The following PTH1R variants were observed in gnomAD, a reference collection of about 807,000 sequenced individuals.
PTH1R encodes the protein parathyroid hormone 1 receptor, also known as parathyroid hormone/parathyroid hormone-related peptide receptor.
PTH1R carries 32 observed loss-of-function variants against 70.7 expected under a neutral mutation model. The ratio of observed to expected loss-of-function variants is 0.45; its 90% CI spans 0.34 to 0.61. The LOEUF is 0.61. Ranked by LOEUF, PTH1R falls within the 20% of genes least tolerant of loss-of-function variation. The pLI, the probability that PTH1R is intolerant of heterozygous loss-of-function variation, is 0.01. For missense variants in PTH1R, 626 were observed against 792.5 expected (o/e 0.79, Z 2.52); for synonymous variants, 329 against 324.8 (o/e 1.01, Z -0.14).
intron 3 of PTH1R, among the ~76,000 whole-genome samples, chr3:46,889,991 C>T (rs896076301): frequency 1.3e-5 from 2 of 152,136 alleles, no homozygotes; most frequent in Non-Finnish European, 2.9e-5. Flanking sequence ...AGAAGAGATA[C>T]AGCTGTCAGC....
chr3:46,898,843 G>A lies in PTH1R; in HGVS notation c.820G>A (p.Ala274Thr), dbSNP rs1262684293. 5 of 1,548,742 alleles carry A rather than the reference G, an allele frequency of 3.2e-6. No individual in the cohort carries two copies. Among genetic ancestry groups the A allele is most frequent in the Non-Finnish European group, 4.3e-6 (5 of 1,153,514 alleles). ...CCAGGCGCCCCCGCCGCCTGCCACCGCCGCTGCCGGCTACGTGAGTACCCC... is the reference window on the plus strand; with the variant it reads ...CCAGGCGCCCCCGCCGCCTGCCACCACCGCTGCCGGCTACGTGAGTACCCC... ...IAQAPPPPAT[A>T]AAGYAGCRVA... The change falls in exon 9 of 16, where the codon GCC (alanine) becomes ACC (threonine). Residue 274 changes from alanine (A) to threonine (T), a missense_variant. Coordinates refer to ENST00000449590, the MANE Select transcript of PTH1R (RefSeq NM_000316.3).
intron 10 of PTH1R, among the ~76,000 whole-genome samples, chr3:46,900,655 G>A (rs898921954): frequency 3.3e-5 from 5 of 152,096 alleles, no homozygotes; most frequent in Non-Finnish European, 5.9e-5. Flanking sequence ...AAAAAAATGC[G>A]GAAAATAGGC....
chr3:46,902,990 TGG>T lies in PTH1R; in HGVS notation c.1395+201_1395+202del. ...TAGGATGTGGGGACTCTTCAGTCAC[TGG>T]CATAGCCAAGTGTCTTCCCAGCCCC... is the stretch of plus-strand genomic sequence containing the variant. On this transcript the variant is annotated intron_variant, in intron 15 of 15. Coordinates refer to ENST00000449590, the MANE Select transcript of PTH1R (RefSeq NM_000316.3). This position sits in a 1 kb window ranked among gnomAD's most constrained non-coding sequence, Gnocchi z 5.4. 1.0e-6 allele frequency: 1 copy of T among 969,428 alleles called. No individual in the cohort carries two copies. The allele number at this position is 969,428 out of a possible 1,614,324, so 60.1% of individuals were successfully genotyped here.
intron 3 of PTH1R, among the ~76,000 whole-genome samples, chr3:46,888,586 T>A (rs6762963): frequency 6.6e-6 from 1 of 152,128 alleles, no homozygotes; most frequent in African/African-American, 2.4e-5. Flanking sequence ...ACGGTGTGAT[T>A]GGGAGAAGGG....
intron 3 of PTH1R, among the ~76,000 whole-genome samples, chr3:46,889,065 A>G (rs890883500): frequency 6.6e-6 from 1 of 152,188 alleles, no homozygotes; most frequent in Non-Finnish European, 1.5e-5. Flanking sequence ...AGTCCCAGCC[A>G]GCTGGCACGG....
Position 46,903,469 on chromosome 3 carries a change from C to T in PTH1R, c.1595C>T (p.Pro532Leu). 1 of 1,613,704 alleles carries T rather than the reference C, an allele frequency of 6.2e-7. No homozygotes were observed. The highest frequency in any genetic ancestry group is 8.5e-7 in the Non-Finnish European group (1 of 1,179,992). The change falls in exon 16 of 16, where the codon CCT becomes CTT. Residue 532 changes from proline (P) to leucine (L), a missense_variant. Coordinates refer to ENST00000449590, the MANE Select transcript of PTH1R (RefSeq NM_000316.3). This position sits in a 1 kb window ranked among gnomAD's most constrained non-coding sequence, Gnocchi z 4.4. ...LLPTATTNGH[P>L]QLPGHAKPGT... ...CCCACTGCCACCACCAACGGCCACCCTCAGCTGCCTGGCCATGCCAAGCCA... is the reference window on the plus strand; with the variant it reads ...CCCACTGCCACCACCAACGGCCACCTTCAGCTGCCTGGCCATGCCAAGCCA...
Position 46,892,882 on chromosome 3 carries a change from GAATT to G in PTH1R, c.76-1022_76-1019del. 1 of 868,356 alleles carries G rather than the reference GAATT, an allele frequency of 1.2e-6. No individual in the cohort carries two copies. Among genetic ancestry groups the G allele is most frequent in the Non-Finnish European group, 1.4e-6 (1 of 722,484 alleles). 53.8% of individuals were successfully genotyped at this position (868,356 alleles called of 1,614,324 possible). A position where few individuals can be genotyped will look rare whatever the true frequency, so the allele number is the denominator to read the frequency against. ...CAGGGGTCTGAGGAAACACGACCCT[GAATT>G]AAGAGGGATGGGGCTGAGGGCTTCA... On this transcript the variant is annotated intron_variant, in intron 3 of 15. Coordinates refer to ENST00000449590, the MANE Select transcript of PTH1R (RefSeq NM_000316.3). The surrounding 1 kb of genome is among the most constrained non-coding windows in gnomAD (Gnocchi z 5.2).
At chr3:46,889,585 G>A (rs578141939) in intron 3 of PTH1R, among the ~76,000 whole-genome samples, 1 of 152,292 alleles carries the variant, frequency 6.6e-6, no homozygotes, top group East Asian at 1.9e-4. Context: ...GAAGGTGCAG[G>A]AGGCATGGGT....
chr3:46,889,892 G>T (rs534053374), intron 3 of PTH1R, among the ~76,000 whole-genome samples: 2 of 152,144 alleles, frequency 1.3e-5, no homozygotes, highest in African/African-American at 4.8e-5. Flanking sequence ...GCACCCTGGC[G>T]CTGAGCCAAG....
In PTH1R at chr3:46,898,101, A is replaced by G. The variant is rs1204634243; in HGVS notation, c.452A>G (p.Asn151Ser). 8.1e-6 allele frequency: 13 copies of G among 1,614,112 alleles called. No individual in the cohort carries two copies. The highest frequency in any genetic ancestry group is 7.7e-5 in the South Asian group (7 of 91,090). Residue 151 changes from asparagine to serine, a missense_variant, in exon 7 of 16, where the codon AAT (asparagine) becomes AGT (serine). Asn to Ser is a conservative substitution (Grantham distance 46). Around this residue, in one of 3 missense-constraint regions of PTH1R, gnomAD observed 495 missense variants for 638.7 expected, o/e 0.77. Coordinates refer to ENST00000449590, the MANE Select transcript of PTH1R (RefSeq NM_000316.3). ...KGHAYRRCDR[N>S]GSWELVPGHN... is the part of the protein sequence containing the mutation. ...CATGCCTACCGACGCTGTGACCGCA[A>G]TGGCAGCTGGGAGCTGGTGCCTGGG... is the stretch of plus-strand genomic sequence containing the variant.
In PTH1R at chr3:46,901,702, C is replaced by T. The variant is rs2032131836; in HGVS notation, c.1117-64C>T. On this transcript the variant is annotated intron_variant, in intron 12 of 15. Transcript: ENST00000449590. The surrounding 1 kb of genome is among the most constrained non-coding windows in gnomAD (Gnocchi z 7.3). Reference sequence around the variant, plus strand: ...GACAGAGCAGAGCCTATGGCCGTGGCTGCCAGGCCTTGCCCCGCCCCACTA... The same window carrying T: ...GACAGAGCAGAGCCTATGGCCGTGGTTGCCAGGCCTTGCCCCGCCCCACTA... The T allele has an allele frequency of 6.5e-7, 1 of 1,530,970 alleles. No homozygotes were observed. The highest frequency in any genetic ancestry group is 1.1e-5 in the South Asian group (1 of 89,346). The allele number at this position is 1,530,970 out of a possible 1,614,324, so 94.8% of individuals were successfully genotyped here. A position where few individuals can be genotyped will look rare whatever the true frequency, so the allele number is the denominator to read the frequency against.
rs2030665685 is a variant in PTH1R, at chr3:46,882,467, A to T, written c.-48-1045A>T. On this transcript the variant is annotated intron_variant, in intron 2 of 15. Transcript: ENST00000449590. This position sits in a 1 kb window ranked among gnomAD's most constrained non-coding sequence, Gnocchi z 4.3. ...GGGGCCGCGGCGGCGCGCTCGGAGT[A>T]AGTCGGGGCTGGGGACCCGCGCCGA... 6.6e-6 allele frequency: 1 copy of T among 150,924 alleles called. No homozygotes were observed. The highest frequency in any genetic ancestry group is 6.6e-5 in the Admixed American group (1 of 15,196). The allele number at this position is 150,924 out of a possible 1,614,324, so 9.3% of individuals were successfully genotyped here.
rs2030868171 is a variant in PTH1R, at chr3:46,884,222, C to T, written c.75+588C>T. Among the ~76,000 whole-genome samples, 1 of 152,164 alleles carries T rather than the reference C, an allele frequency of 6.6e-6. No homozygotes were observed. Among genetic ancestry groups the T allele is most frequent in the Non-Finnish European group, 1.5e-5 (1 of 68,018 alleles). ...GGAGTTCCCTGAAGGAGACTGACCTCACAGTGCACCCCTGTAGGAGAAGCA... is the reference window on the plus strand; with the variant it reads ...GGAGTTCCCTGAAGGAGACTGACCTTACAGTGCACCCCTGTAGGAGAAGCA... On this transcript the variant is annotated intron_variant, in intron 3 of 15. Transcript: ENST00000449590. This position sits in a 1 kb window ranked among gnomAD's most constrained non-coding sequence, Gnocchi z 4.8.
At position 46,893,109 on chromosome 3, in the gene PTH1R, C is replaced by T. The variant is rs2031531098; in HGVS notation, c.76-798C>T. ...TTCTTATAATGAGGCCAGTGAGTCC[C>T]GGTGGGTGGCAGCCAGGGCCCAGGG... On this transcript the variant is annotated intron_variant, in intron 3 of 15. Transcript: ENST00000449590. This position sits in a 1 kb window ranked among gnomAD's most constrained non-coding sequence, Gnocchi z 5.2. Among the ~76,000 whole-genome samples the T allele has an allele frequency of 6.6e-6, 1 of 152,152 alleles. No homozygotes were observed. The highest frequency in any genetic ancestry group is 6.5e-5 in the Admixed American group (1 of 15,276).
Position 46,892,664 on chromosome 3 carries a change from G to C in PTH1R, c.76-1243G>C. On this transcript the variant is annotated intron_variant, in intron 3 of 15. Coordinates refer to ENST00000449590, the MANE Select transcript of PTH1R (RefSeq NM_000316.3). The surrounding 1 kb of genome is among the most constrained non-coding windows in gnomAD (Gnocchi z 5.2). ...CTGCCCGCCCCTCTCGCCGGTGCCC[G>C]CCCCATGCCCGACCCGCCTTCTTCC... The C allele has an allele frequency of 4.4e-5, 31 of 704,654 alleles. No homozygotes were observed. The highest frequency in any genetic ancestry group is 6.4e-5 in the South Asian group (1 of 15,724). 43.7% of individuals were successfully genotyped at this position (704,654 alleles called of 1,614,324 possible).
At position 46,898,089 on chromosome 3, in the gene PTH1R, G is replaced by T. The variant is rs576428067; in HGVS notation, c.440G>T (p.Arg147Leu). The change falls in exon 7 of 16, where the codon CGC becomes CTC. Residue 147 changes from arginine to leucine, a missense_variant. This residue lies in a region of PTH1R where 495 missense variants were observed against 638.7 expected (regional missense o/e 0.77). Transcript: ENST00000449590. ...DFNHKGHAYR[R>L]CDRNGSWELV... ...GGACCTGCAGGCCATGCCTACCGAC[G>T]CTGTGACCGCAATGGCAGCTGGGAG... 69 of 1,614,164 alleles carry T rather than the reference G, an allele frequency of 4.3e-5. No individual in the cohort carries two copies. In the South Asian group the frequency reaches 7.5e-4, roughly 17 times the overall value.
rs760040794 is a variant in PTH1R, at chr3:46,898,138, G to A, written c.489G>A (p.Thr163=). Residue 163 remains threonine (T), a synonymous_variant, in exon 7 of 16, where the codon ACG becomes ACA. Transcript: ENST00000449590. The stretch of plus-strand genomic sequence containing the variant: ...AGCTGGTGCCTGGGCACAACAGGAC[G>A]TGGGCCAACTACAGCGAGTGTGTCA... ...SWELVPGHNR[T]WANYSECVKF... is the part of the protein sequence containing the mutation. 1.4e-5 allele frequency: 22 copies of A among 1,614,102 alleles called. 1 individual carries two copies. Among genetic ancestry groups the A allele is most frequent in the Middle Eastern group, 3.3e-4 (2 of 6,084 alleles).
chr3:46,901,797 G>T lies in PTH1R; in HGVS notation c.1148G>T (p.Arg383Leu), dbSNP rs398122843. ...TTCATCCTCTTCATCAATATCGTCC[G>T]GGTGCTCGCCACCAAGCTGCGGGAG... is the stretch of plus-strand genomic sequence containing the variant. The part of the protein sequence containing the change: ...LNFILFINIV[R>L]VLATKLRETN... The change falls in exon 13 of 16, where the codon CGG becomes CTG. Residue 383 changes from arginine (R) to leucine (L), a missense_variant. Arg to Leu is a moderately radical substitution (Grantham distance 102). Transcript: ENST00000449590. This position sits in a 1 kb window ranked among gnomAD's most constrained non-coding sequence, Gnocchi z 7.3. 6.2e-7 allele frequency: 1 copy of T among 1,614,050 alleles called. No individual in the cohort carries two copies. Among genetic ancestry groups the T allele is most frequent in the South Asian group, 1.1e-5 (1 of 91,082 alleles).
chr3:46,895,823 T>G lies in PTH1R; in HGVS notation c.267T>G (p.Pro89=), dbSNP rs762838549. 6.2e-7 allele frequency: 1 copy of G among 1,613,998 alleles called. No homozygotes were observed. The highest frequency in any genetic ancestry group is 8.5e-7 in the Non-Finnish European group (1 of 1,180,004). ...ATAAGGCATCTGGGAAGCTCTACCCTGAGTCTGAGGAGGACAAGGAGGCAC... is the reference window on the plus strand; with the variant it reads ...ATAAGGCATCTGGGAAGCTCTACCCGGAGTCTGAGGAGGACAAGGAGGCAC... ...RKDKASGKLY[P]ESEEDKEAPT... Residue 89 remains proline (P), a synonymous_variant, in exon 5 of 16, where the codon CCT becomes CCG. Coordinates refer to ENST00000449590, the MANE Select transcript of PTH1R (RefSeq NM_000316.3).
Sources: allele counts gnomAD v4.1 joint callset (sites outside exome capture counted in the v4.1 genomes callset), GRCh38; gene constraint gnomAD v4.1.1; regional missense constraint gnomAD v4.1.1; non-coding constraint Gnocchi (gnomAD v3.1); transcripts MANE v1.5; gene names NCBI Gene and HGNC (gene_info 2026-07-23, HGNC 2026-07-21).